LINGO2: variants seen among roughly 807,000 people sequenced by gnomAD.
LINGO2 encodes leucine rich repeat and Ig domain containing 2.
LINGO2 carries 14 observed loss-of-function variants against 30.6 expected under a neutral mutation model. That is an observed-to-expected ratio of 0.46 (90% confidence interval 0.30 to 0.72). The LOEUF (loss-of-function observed/expected upper bound fraction) is 0.72, where lower values mean the gene tolerates loss of function less well. Ranked by LOEUF, LINGO2 falls within the 30% of genes least tolerant of loss-of-function variation. LINGO2 has a pLI of 0.07. For missense variants in LINGO2, 729 were observed against 751.7 expected (o/e 0.97, Z 0.35); for synonymous variants, 317 against 288.5 (o/e 1.10, Z -1.00).
chr9:28,525,631 A>G (rs1191148805), intron 1 of LINGO2, among the ~76,000 whole-genome samples: 1 of 152,204 alleles, frequency 6.6e-6, no homozygotes, highest in Non-Finnish European at 1.5e-5. Context: ...AGAGACAGAA[A>G]GTAGATCAGT....
intron 3 of LINGO2, among the ~76,000 whole-genome samples, chr9:28,367,213 G>A (rs1820713696): frequency 6.6e-6 from 1 of 152,200 alleles, no homozygotes; most frequent in East Asian, 1.9e-4. Flanking sequence ...TAATTGCCCT[G>A]TTTCATGACT....
intron 4 of LINGO2, among the ~76,000 whole-genome samples, chr9:28,137,374 G>A (rs899027840): frequency 2.6e-5 from 4 of 152,058 alleles, no homozygotes; most frequent in Non-Finnish European, 5.9e-5. Context: ...TGCAGCAAGA[G>A]TGCTTGACAG....
At chr9:27,964,298 C>G (rs1174388340) in intron 5 of LINGO2, among the ~76,000 whole-genome samples, 1 of 151,998 alleles carries the variant, frequency 6.6e-6, no homozygotes, top group African/African-American at 2.4e-5. Flanking sequence ...TATTCAGTGG[C>G]TCACGCAAGT....
chr9:28,822,340 A>G, the LINGO2 span, among the ~76,000 whole-genome samples: 3 of 152,324 alleles, frequency 2.0e-5, no homozygotes, highest in East Asian at 3.9e-4. Context: ...AACTGATCAC[A>G]ATATGGAAGT....
At chr9:29,076,298 T>A in the LINGO2 span, among the ~76,000 whole-genome samples, 1 of 152,058 alleles carries the variant, frequency 6.6e-6, no homozygotes, top group Admixed American at 6.6e-5. Context: ...TATCTATATA[T>A]ATTTGCATGG....
intron 4 of LINGO2, among the ~76,000 whole-genome samples, chr9:28,138,597 T>A (rs776342882): frequency 6.6e-6 from 1 of 152,196 alleles, no homozygotes; most frequent in Non-Finnish European, 1.5e-5. Flanking sequence ...CTTTGAAAAG[T>A]AGGCATTTTT....
chr9:28,230,973 C>G (rs1042485565), intron 4 of LINGO2, among the ~76,000 whole-genome samples: 3 of 151,840 alleles, frequency 2.0e-5, no homozygotes, highest in African/African-American at 7.2e-5. Context: ...TCATGTTTTT[C>G]TGACAAATAA....
the LINGO2 span, among the ~76,000 whole-genome samples, chr9:28,769,953 T>C: frequency 1.3e-5 from 2 of 152,146 alleles, no homozygotes; most frequent in Admixed American, 6.5e-5. Flanking sequence ...TCTCCTAACT[T>C]CACAAAGTTC....
At chr9:28,741,161 C>A in the LINGO2 span, among the ~76,000 whole-genome samples, 4 of 152,066 alleles carry the variant, frequency 2.6e-5, no homozygotes, top group South Asian at 2.1e-4. Flanking sequence ...GAACTCAGGT[C>A]CACTGAGATA....
intron 4 of LINGO2, among the ~76,000 whole-genome samples, chr9:28,080,302 G>C (rs1825738077): frequency 6.6e-6 from 1 of 152,136 alleles, no homozygotes; most frequent in South Asian, 2.1e-4. Context: ...ACCTGATCGG[G>C]TCTGGTGGAG....
the LINGO2 span, among the ~76,000 whole-genome samples, chr9:28,888,587 A>G: frequency 6.6e-6 from 1 of 152,092 alleles, no homozygotes; most frequent in Admixed American, 6.6e-5. Flanking sequence ...GGCACCATTC[A>G]TTTCATTGAA....
intron 3 of LINGO2, among the ~76,000 whole-genome samples, chr9:28,322,279 G>C (rs1286139038): frequency 6.6e-6 from 1 of 152,088 alleles, no homozygotes; most frequent in African/African-American, 2.4e-5. Context: ...GGTTTTCACT[G>C]ATCACCCAAG....
intron 1 of LINGO2, among the ~76,000 whole-genome samples, chr9:28,603,741 C>A (rs140415136): frequency 3.3e-5 from 5 of 151,902 alleles, no homozygotes; most frequent in African/African-American, 7.2e-5. Flanking sequence ...AATATGCTGG[C>A]GATTTTGGAT....
At chr9:29,065,270 T>C in the LINGO2 span, among the ~76,000 whole-genome samples, 2 of 152,288 alleles carry the variant, frequency 1.3e-5, no homozygotes, top group East Asian at 3.9e-4. Flanking sequence ...AGCTCTTTAG[T>C]ATAATTAGGT....
the LINGO2 span, among the ~76,000 whole-genome samples, chr9:28,899,117 A>G: frequency 4.6e-5 from 7 of 152,188 alleles, no homozygotes; most frequent in African/African-American, 9.7e-5. Context: ...GCATCTGGGT[A>G]TATCACAAAA....
intron 2 of LINGO2, among the ~76,000 whole-genome samples, chr9:28,441,375 G>T (rs2135018178): frequency 7.2e-6 from 1 of 139,836 alleles, no homozygotes; most frequent in East Asian, 2.2e-4. Context: ...ATAAAGAGAA[G>T]TATGAAATCT....
the LINGO2 span, among the ~76,000 whole-genome samples, chr9:28,894,593 A>G: frequency 6.6e-6 from 1 of 151,832 alleles, no homozygotes; most frequent in African/African-American, 2.4e-5. Flanking sequence ...AACTAAAATT[A>G]ACTTTTTATA....
the LINGO2 span, among the ~76,000 whole-genome samples, chr9:28,951,719 C>T: frequency 1.3e-5 from 2 of 152,012 alleles, no homozygotes; most frequent in Admixed American, 6.6e-5. Context: ...TCCCAGTGCC[C>T]CAGCTTTTCA....
intron 3 of LINGO2, among the ~76,000 whole-genome samples, chr9:28,306,626 T>G (rs994280821): frequency 1.3e-5 from 2 of 151,916 alleles, no homozygotes; most frequent in African/African-American, 4.8e-5. Flanking sequence ...TTCAAAAAAC[T>G]AATGAATCCA....
Sources: allele counts gnomAD v4.1 joint callset (sites outside exome capture counted in the v4.1 genomes callset), GRCh38; gene constraint gnomAD v4.1.1; transcripts MANE v1.5; gene names NCBI Gene and HGNC (gene_info 2026-07-23, HGNC 2026-07-21).